NR2C2: variants seen among roughly 807,000 people sequenced by gnomAD.
The protein encoded by NR2C2 is nuclear receptor subfamily 2 group C member 2, also known as Nuclear hormone receptor TR4.
A neutral mutation model predicts 62.9 loss-of-function variants in NR2C2; 6 were observed. The ratio of observed to expected loss-of-function variants is 0.10; its 90% CI spans 0.05 to 0.19. The LOEUF is 0.19. NR2C2 is among the 10% of genes least tolerant of loss of function. The pLI, the probability that NR2C2 is intolerant of heterozygous loss-of-function variation, is 1.00. For missense variants in NR2C2, 479 were observed against 762.7 expected (o/e 0.63, Z 4.38); for synonymous variants, 272 against 273.8 (o/e 0.99, Z 0.07).
At chr3:14,966,625 C>T (rs937979260) in intron 1 of NR2C2, among the ~76,000 whole-genome samples, 9 of 152,122 alleles carry the variant, frequency 5.9e-5, no homozygotes, top group African/African-American at 2.2e-4. Context: ...TTAGTAAGTG[C>T]CATGCATTTT....
At chr3:15,035,879 T>C (rs2042089575) in intron 11 of NR2C2, among the ~76,000 whole-genome samples, 1 of 152,118 alleles carries the variant, frequency 6.6e-6, no homozygotes, top group African/African-American at 2.4e-5. Flanking sequence ...ATACAAAAAA[T>C]TAGCCAGGCG....
rs771874294 is a variant in NR2C2, at chr3:15,039,110, T to C, written c.1511-12T>C. The C allele has an allele frequency of 9.7e-5, 156 of 1,606,962 alleles. 3 individuals carry two copies. In the South Asian group the frequency reaches 1.6e-3, roughly 17 times the overall value. ...CAGAGGGAACTGGGGGGGGGTACTT[T>C]TCTGTTTTCAGATCATCCAGGTTTG... On this transcript the variant is annotated splice_polypyrimidine_tract_variant and intron_variant, in intron 12 of 13. Transcript: ENST00000425241.
At chr3:14,982,727 A>G (rs1343512127) in intron 1 of NR2C2, among the ~76,000 whole-genome samples, 1 of 152,144 alleles carries the variant, frequency 6.6e-6, no homozygotes, top group Non-Finnish European at 1.5e-5. Flanking sequence ...ATTTAATGAC[A>G]GTCTTATCTT....
intron 3 of NR2C2, among the ~76,000 whole-genome samples, chr3:15,014,405 A>G (rs937016909): frequency 9.2e-5 from 14 of 152,150 alleles, no homozygotes; most frequent in African/African-American, 3.1e-4. Flanking sequence ...ATTAGAGAAC[A>G]GAAACTCAAG....
intron 1 of NR2C2, among the ~76,000 whole-genome samples, chr3:14,995,770 A>G (rs2040815539): frequency 6.6e-6 from 1 of 152,062 alleles, no homozygotes. Flanking sequence ...TTTTTCAAAG[A>G]GACTGCACCA....
At chr3:14,951,587 T>A (rs1269552477) in intron 1 of NR2C2, among the ~76,000 whole-genome samples, 4 of 152,206 alleles carry the variant, frequency 2.6e-5, no homozygotes, top group Admixed American at 2.0e-4. Flanking sequence ...ACTGCTAGTT[T>A]AGTAAAACAG....
chr3:14,983,703 C>T (rs1434438944), intron 1 of NR2C2, among the ~76,000 whole-genome samples: 2 of 151,954 alleles, frequency 1.3e-5, no homozygotes, highest in Non-Finnish European at 2.9e-5. Flanking sequence ...ACTGTTGGTG[C>T]CTGGAAAAAT....
In NR2C2 at chr3:14,994,977, C is replaced by CTTT. The variant is rs71038447; in HGVS notation, c.-39-8880_-39-8878dup. 6.1e-4 allele frequency among the ~76,000 whole-genome samples: 64 copies of CTTT among 104,146 alleles called. 1 individual carries two copies. Among genetic ancestry groups the CTTT allele is most frequent in the African/African-American group, 2.1e-3 (52 of 25,098 alleles). The allele number at this position is 104,146 out of a possible 152,430, so 68.3% of individuals were successfully genotyped here. ...TATAATTCATATACCATACAATTCA[C>CTTT]TTTTTTTTTTTTTTTTTTTTTGAGA... On this transcript the variant is annotated intron_variant, in intron 1 of 13. Coordinates refer to ENST00000425241, the MANE Select transcript of NR2C2 (RefSeq NM_001291694.2).
At chr3:14,986,674 A>G (rs1023340227) in intron 1 of NR2C2, among the ~76,000 whole-genome samples, 1 of 152,258 alleles carries the variant, frequency 6.6e-6, no homozygotes, top group Non-Finnish European at 1.5e-5. Flanking sequence ...GACCTTGGAA[A>G]GCATATCCTT....
intron 1 of NR2C2, among the ~76,000 whole-genome samples, chr3:14,954,646 T>C (rs1331242261): frequency 1.3e-5 from 2 of 152,144 alleles, no homozygotes; most frequent in Non-Finnish European, 2.9e-5. Context: ...GCAATAATAT[T>C]ATAAAGTAAT....
At chr3:15,015,503 C>T (rs897778641) in intron 3 of NR2C2, among the ~76,000 whole-genome samples, 1 of 152,174 alleles carries the variant, frequency 6.6e-6, no homozygotes, top group East Asian at 1.9e-4. Context: ...TCTTTGCGTA[C>T]ATTCAAGTTG....
chr3:14,973,080 G>T (rs2040097447), intron 1 of NR2C2, among the ~76,000 whole-genome samples: 1 of 152,152 alleles, frequency 6.6e-6, no homozygotes, highest in African/African-American at 2.4e-5. Flanking sequence ...CATTCTGTGG[G>T]CTGCCTTTCC....
At chr3:14,983,785 T>G (rs908239960) in intron 1 of NR2C2, among the ~76,000 whole-genome samples, 6 of 152,248 alleles carry the variant, frequency 3.9e-5, no homozygotes, top group African/African-American at 1.4e-4. Flanking sequence ...GACTCAGTTT[T>G]AATAAGTTGT....
At chr3:14,975,092 A>G (rs1303795769) in intron 1 of NR2C2, among the ~76,000 whole-genome samples, 1 of 152,190 alleles carries the variant, frequency 6.6e-6, no homozygotes, top group African/African-American at 2.4e-5. Context: ...AATAACATGC[A>G]GTTTTGCTGA....
chr3:15,009,800 T>G (rs1424767319), intron 2 of NR2C2, among the ~76,000 whole-genome samples: 1 of 152,202 alleles, frequency 6.6e-6, no homozygotes, highest in Non-Finnish European at 1.5e-5. Flanking sequence ...AATCAAGGTG[T>G]CAGCAGGGCC....
chr3:15,033,014 C>T lies in NR2C2; in HGVS notation c.1232+514C>T, dbSNP rs138536268. On this transcript the variant is annotated intron_variant, in intron 10 of 13. Coordinates refer to ENST00000425241, the MANE Select transcript of NR2C2 (RefSeq NM_001291694.2). The stretch of plus-strand genomic sequence containing the variant: ...TGAGTACCACTTGTGTATGTTTCTC[C>T]TCTAAATACCAGCATCGGCTCTGCC... Among the ~76,000 whole-genome samples, 29 of 150,028 alleles carry T rather than the reference C, an allele frequency of 1.9e-4. No individual in the cohort carries two copies. In the East Asian group the frequency reaches 5.8e-3, roughly 30 times the overall value.
intron 1 of NR2C2, among the ~76,000 whole-genome samples, chr3:14,998,740 G>A (rs1003203972): frequency 3.3e-5 from 5 of 152,118 alleles, no homozygotes; most frequent in East Asian, 1.9e-4. Flanking sequence ...GTTCAGGTAC[G>A]CTGGCTCACA....
chr3:15,031,396 T>C (rs1421914980), intron 9 of NR2C2, among the ~76,000 whole-genome samples: 1 of 151,390 alleles, frequency 6.6e-6, no homozygotes, highest in Non-Finnish European at 1.5e-5. Flanking sequence ...AACAAATACA[T>C]AGGCTGAAGC....
chr3:14,997,649 T>C (rs2040868776), intron 1 of NR2C2, among the ~76,000 whole-genome samples: 1 of 152,186 alleles, frequency 6.6e-6, no homozygotes. Flanking sequence ...ATCCATATTT[T>C]TTAAGCTAAA....
Sources: gnomAD v4.1 joint callset for allele counts (sites outside exome capture counted in the v4.1 genomes callset) on GRCh38, gnomAD v4.1.1 for gene constraint, MANE v1.5 for transcripts, NCBI Gene and HGNC (gene_info 2026-07-23, HGNC 2026-07-21) for gene names.